Variants in TANK observed in about 807,000 individuals in gnomAD.
TANK encodes TRAF family member-associated NF-kappa-B activator.
TANK carries 15 observed loss-of-function variants against 43.6 expected under a neutral mutation model. The observed-to-expected ratio is 0.34, with a 90% CI of 0.23 to 0.53. The LOEUF (loss-of-function observed/expected upper bound fraction) is 0.53, where lower values mean the gene tolerates loss of function less well. Among genes scored for constraint, TANK ranks in the 20% least tolerant of loss-of-function variants. TANK has a pLI of 0.94. For missense variants in TANK, 417 were observed against 498.6 expected (o/e 0.84, Z 1.56); for synonymous variants, 162 against 178.2 (o/e 0.91, Z 0.73).
chr2:161,225,083 T>A (rs1687544116), intron 6 of TANK, among the ~76,000 whole-genome samples: 1 of 152,206 alleles, frequency 6.6e-6, no homozygotes, highest in South Asian at 2.1e-4. Context: ...GGGGACCTTA[T>A]TAAACATTAA....
chr2:161,198,372 A>T (rs1001235454), intron 2 of TANK, among the ~76,000 whole-genome samples: 2 of 152,286 alleles, frequency 1.3e-5, no homozygotes, highest in Admixed American at 1.3e-4. Context: ...AGGCAACCCT[A>T]CTTCATCACA....
intron 4 of TANK, chr2:161,212,793 C>A (rs770337110): frequency 4.1e-6 from 4 of 984,258 alleles, no homozygotes; most frequent in Non-Finnish European, 4.8e-6. Context: ...GTTCTCTAAA[C>A]CTTGATAGGT....
chr2:161,147,373 G>C (rs1294047552), intron 1 of TANK, among the ~76,000 whole-genome samples: 1 of 152,198 alleles, frequency 6.6e-6, no homozygotes, highest in Non-Finnish European at 1.5e-5. Flanking sequence ...AACTTAGCAG[G>C]CTTAAGCAGA....
upstream of TANK, chr2:161,155,917 AT>A: frequency 4.6e-6 from 2 of 431,980 alleles, no homozygotes; most frequent in South Asian, 9.8e-5. Flanking sequence ...TCTATCCCTA[AT>A]TCTTAGCACA....
At chr2:161,187,147 T>G (rs1456569056) in intron 2 of TANK, among the ~76,000 whole-genome samples, 1 of 152,034 alleles carries the variant, frequency 6.6e-6, no homozygotes, top group Non-Finnish European at 1.5e-5. Context: ...TGTTCCAAAC[T>G]GGGTATGGTG....
intron 7 of TANK, among the ~76,000 whole-genome samples, chr2:161,233,112 G>A (rs766541069): frequency 9.2e-5 from 14 of 152,154 alleles, no homozygotes; most frequent in African/African-American, 3.1e-4. Flanking sequence ...GGCCAGGTAC[G>A]GTGGTTCATG....
chr2:161,143,129 TTATTGGTG>T (rs1334024198), intron 1 of TANK, among the ~76,000 whole-genome samples: 1 of 152,146 alleles, frequency 6.6e-6, no homozygotes, highest in African/African-American at 2.4e-5. Context: ...TGCTTGTCTA[TTATTGGTG>T]TATAGGAATG....
intron 2 of TANK, among the ~76,000 whole-genome samples, chr2:161,193,179 A>G (rs1392975336): frequency 6.6e-6 from 1 of 152,200 alleles, no homozygotes. Context: ...TGCTTATTCC[A>G]TTTCTTGGCA....
upstream of TANK, among the ~76,000 whole-genome samples, chr2:161,158,744 A>G (rs1684289835): frequency 1.3e-5 from 2 of 152,262 alleles, no homozygotes; most frequent in African/African-American, 4.8e-5. Context: ...TGCAATAGAT[A>G]TTGTCAAGAG....
Position 161,231,218 on chromosome 2 carries a change from T to C in TANK, c.768T>C (p.Leu256=). 6.2e-7 allele frequency: 1 copy of C among 1,614,016 alleles called. No homozygotes were observed. Among genetic ancestry groups the C allele is most frequent in the Non-Finnish European group, 8.5e-7 (1 of 1,180,028 alleles). The change falls in exon 7 of 8, where the codon CTT becomes CTC. Residue 256 remains leucine (L), a synonymous_variant. Transcript: ENST00000392749. ...LHSTPERPGI[L]SPATSEAVCQ... Reference sequence around the variant, plus strand: ...GCACTCCAGAGAGACCCGGCATCCTTAGTCCTGCCACGTCTGAGGCAGTGT... The same window carrying C: ...GCACTCCAGAGAGACCCGGCATCCTCAGTCCTGCCACGTCTGAGGCAGTGT...
At chr2:161,216,301 A>G in intron 4 of TANK, 1 of 436,216 alleles carries the variant, frequency 2.3e-6, no homozygotes, top group South Asian at 1.7e-5. Context: ...TAGACGGCCA[A>G]ATGGCCACAG....
chr2:161,137,159 C>G, intron 1 of TANK: 1 of 985,394 alleles, frequency 1.0e-6, no homozygotes, highest in Non-Finnish European at 1.2e-6. Flanking sequence ...CCCTCTTACT[C>G]TTGCTATGTG....
intron 1 of TANK, among the ~76,000 whole-genome samples, chr2:161,147,514 AG>A (rs1363616265): frequency 1.3e-5 from 2 of 152,170 alleles, no homozygotes; most frequent in Non-Finnish European, 2.9e-5. Context: ...ATGGTTTCCC[AG>A]GCTGGGTAGC....
chr2:161,171,339 ATC>A (rs1456620149), intron 1 of TANK, among the ~76,000 whole-genome samples: 1 of 152,250 alleles, frequency 6.6e-6, no homozygotes, highest in African/African-American at 2.4e-5. Flanking sequence ...TACCCTAAAC[ATC>A]TTCAGAATGG....
chr2:161,226,089 T>G (rs1687601083), intron 6 of TANK, among the ~76,000 whole-genome samples: 3 of 152,182 alleles, frequency 2.0e-5, no homozygotes, highest in Admixed American at 2.0e-4. Context: ...TACCTAGAAT[T>G]CATAAACATG....
At chr2:161,231,639 C>A in intron 7 of TANK, 88 bp downstream of exon 7, 1 of 1,216,882 alleles carries the variant, frequency 8.2e-7, no homozygotes, top group Non-Finnish European at 1.2e-6. Context: ...TTTACGTTAT[C>A]AAACATCCTT....
At position 161,145,133 on chromosome 2, in the gene TANK, C is replaced by CT. The variant is rs144526006; in HGVS notation, c.-50+8097dup. Among the ~76,000 whole-genome samples the CT allele has an allele frequency of 4.0e-3, 133 of 32,876 alleles. 14 individuals carry two copies. Among genetic ancestry groups the CT allele is most frequent in the Middle Eastern group, 0.056 (2 of 36 alleles). 21.6% of individuals were successfully genotyped at this position (32,876 alleles called of 152,430 possible). A position where few individuals can be genotyped will look rare whatever the true frequency, so the allele number is the denominator to read the frequency against. Reference sequence around the variant, plus strand: ...TAGGAGACTAGGACTGCAACCCCTGCTTTTTTTTTTTTTTTTTTTTTTTTT... The same window carrying CT: ...TAGGAGACTAGGACTGCAACCCCTGCTTTTTTTTTTTTTTTTTTTTTTTTTT... On this transcript the variant is annotated intron_variant, in intron 1 of 7. Coordinates refer to the TANK transcript ENST00000259075.
chr2:161,215,420 C>T (rs1054202598), intron 4 of TANK, among the ~76,000 whole-genome samples: 4 of 152,058 alleles, frequency 2.6e-5, no homozygotes, highest in South Asian at 4.1e-4. Flanking sequence ...TACTTTAAAT[C>T]GTGATGCTTG....
upstream of TANK, chr2:161,160,415 TC>T (rs1684359384): frequency 2.3e-5 from 28 of 1,240,530 alleles, no homozygotes; most frequent in Non-Finnish European, 2.7e-5. Context: ...AAATGCAACT[TC>T]CGGTTGGAGT....
Sources: gnomAD v4.1 joint callset for allele counts (sites outside exome capture counted in the v4.1 genomes callset) on GRCh38, gnomAD v4.1.1 for gene constraint, MANE v1.5 for transcripts, NCBI Gene and HGNC (gene_info 2026-07-23, HGNC 2026-07-21) for gene names.